The following PTPRD variants were observed in gnomAD, a reference collection of about 807,000 sequenced individuals.
PTPRD encodes protein tyrosine phosphatase receptor type D, also known as receptor-type tyrosine-protein phosphatase delta.
A neutral mutation model predicts 214.5 loss-of-function variants in PTPRD; 34 were observed. The observed-to-expected ratio is 0.16, with a 90% CI of 0.12 to 0.21. The LOEUF (loss-of-function observed/expected upper bound fraction) is 0.21, where lower values mean the gene tolerates loss of function less well. Among genes scored for constraint, PTPRD ranks in the 10% least tolerant of loss-of-function variants. The pLI, the probability that PTPRD is intolerant of heterozygous loss-of-function variation, is 1.00. For missense variants in PTPRD, 2,545 were observed against 2,398.7 expected (o/e 1.06, Z -1.27); for synonymous variants, 1,128 against 845.7 (o/e 1.33, Z -5.79).
intron 12 of PTPRD, among the ~76,000 whole-genome samples, chr9:8,717,159 G>T (rs1565518510): frequency 2.0e-5 from 3 of 152,070 alleles, no homozygotes; most frequent in South Asian, 4.1e-4. Flanking sequence ...ATTAAAGAAA[G>T]AAAAGTTAGA....
rs147969344 is a variant in PTPRD, at chr9:10,186,887, T to G, written c.-544-153097A>C. Among the ~76,000 whole-genome samples, 808 of 152,254 alleles carry G rather than the reference T, an allele frequency of 5.3e-3. 6 individuals are homozygous for G. The highest frequency in any genetic ancestry group is 0.018 in the African/African-American group (766 of 41,556). ...ATAACTCCACAATTAGGAAACCTAT[T>G]GACTTCATGTTGTTGATATATTTAG... On this transcript the variant is annotated intron_variant, in intron 3 of 45. Coordinates refer to ENST00000381196, the MANE Select transcript of PTPRD (RefSeq NM_002839.4).
intron 4 of PTPRD, among the ~76,000 whole-genome samples, chr9:10,020,232 G>A (rs1365023848): frequency 6.6e-6 from 1 of 152,132 alleles, no homozygotes. Context: ...TGCTTAAAAT[G>A]AACCAACAAT....
At chr9:9,870,818 T>G (rs573747014) in intron 5 of PTPRD, among the ~76,000 whole-genome samples, 1 of 152,108 alleles carries the variant, frequency 6.6e-6, no homozygotes, top group Non-Finnish European at 1.5e-5. Context: ...GAAGGTAGGA[T>G]AGACACTTAG....
intron 3 of PTPRD, among the ~76,000 whole-genome samples, chr9:10,208,474 A>C (rs574329111): frequency 3.3e-5 from 5 of 152,244 alleles, no homozygotes; most frequent in Non-Finnish European, 7.3e-5. Context: ...AGATCGCGCC[A>C]CTGCACTCCA....
At chr9:9,666,030 T>C (rs2096715015) in intron 7 of PTPRD, among the ~76,000 whole-genome samples, 1 of 151,914 alleles carries the variant, frequency 6.6e-6, no homozygotes, top group Non-Finnish European at 1.5e-5. Flanking sequence ...AAAAATAAAA[T>C]GTTGTCATCA....
intron 9 of PTPRD, among the ~76,000 whole-genome samples, chr9:9,279,155 T>C (rs942678811): frequency 2.0e-5 from 3 of 150,918 alleles, no homozygotes; most frequent in African/African-American, 7.3e-5. Flanking sequence ...TTTCAAATAA[T>C]AGGCAGGTGT....
At chr9:8,917,420 A>T (rs530460406) in intron 11 of PTPRD, among the ~76,000 whole-genome samples, 1 of 151,844 alleles carries the variant, frequency 6.6e-6, no homozygotes, top group South Asian at 2.1e-4. Flanking sequence ...TACAAGTGTG[A>T]GCCACCGCGC....
At chr9:8,795,355 C>A (rs758788371) in intron 11 of PTPRD, among the ~76,000 whole-genome samples, 1 of 151,996 alleles carries the variant, frequency 6.6e-6, no homozygotes, top group African/African-American at 2.4e-5. Context: ...TTAGTAGAGA[C>A]AGCGTTTCAC....
chr9:10,268,331 A>G (rs1043661075), intron 3 of PTPRD, among the ~76,000 whole-genome samples: 5 of 150,462 alleles, frequency 3.3e-5, no homozygotes, highest in African/African-American at 1.2e-4. Context: ...GATAATAATA[A>G]TAATAGTGGT....
chr9:9,885,359 C>T (rs1431599915), intron 5 of PTPRD, among the ~76,000 whole-genome samples: 1 of 151,882 alleles, frequency 6.6e-6, no homozygotes, highest in Non-Finnish European at 1.5e-5. Flanking sequence ...TAAGATGATG[C>T]CTCATAGAAT....
intron 8 of PTPRD, among the ~76,000 whole-genome samples, chr9:9,494,675 G>T (rs1049795376): frequency 6.6e-6 from 1 of 152,200 alleles, no homozygotes; most frequent in Non-Finnish European, 1.5e-5. Context: ...TTTTCAGAAA[G>T]AAATAGAAAT....
chr9:9,515,698 TTAA>T (rs1232965290), intron 8 of PTPRD, among the ~76,000 whole-genome samples: 8 of 152,046 alleles, frequency 5.3e-5, no homozygotes, highest in Non-Finnish European at 2.9e-5. Context: ...TATCTATATG[TTAA>T]TAATTATTAC....
intron 11 of PTPRD, among the ~76,000 whole-genome samples, chr9:8,975,828 T>G (rs2099265060): frequency 6.6e-6 from 1 of 151,566 alleles, no homozygotes. Flanking sequence ...ACATCCAAAA[T>G]TGATATTAAA....
intron 4 of PTPRD, among the ~76,000 whole-genome samples, chr9:9,965,790 A>G (rs12353320): frequency 0.15 from 22,299 of 152,188 alleles, 3,146 homozygotes; most frequent in African/African-American, 0.37. Flanking sequence ...CTTATGCTAC[A>G]TTGTCAACAT....
intron 9 of PTPRD, among the ~76,000 whole-genome samples, chr9:9,334,376 A>G (rs905554240): frequency 3.3e-5 from 5 of 152,030 alleles, no homozygotes; most frequent in African/African-American, 1.2e-4. Context: ...AGCAAGCATC[A>G]GGTCAGTATT....
At chr9:10,066,436 T>C (rs2097886510) in intron 3 of PTPRD, among the ~76,000 whole-genome samples, 1 of 151,864 alleles carries the variant, frequency 6.6e-6, no homozygotes, top group Non-Finnish European at 1.5e-5. Context: ...ATTTTATTTA[T>C]AATTTCATTA....
intron 9 of PTPRD, among the ~76,000 whole-genome samples, chr9:9,248,125 C>G (rs1459099600): frequency 6.6e-6 from 1 of 151,908 alleles, no homozygotes; most frequent in African/African-American, 2.4e-5. Flanking sequence ...CAGGGTCTCA[C>G]TCTGTCACCC....
chr9:9,071,888 C>T (rs150266635), intron 10 of PTPRD, among the ~76,000 whole-genome samples: 138 of 152,182 alleles, frequency 9.1e-4, no homozygotes, highest in African/African-American at 2.4e-3. Flanking sequence ...AGTATTTCCC[C>T]GTCATACTTG....
intron 3 of PTPRD, among the ~76,000 whole-genome samples, chr9:10,252,235 G>A (rs2092840617): frequency 6.6e-6 from 1 of 152,068 alleles, no homozygotes; most frequent in South Asian, 2.1e-4. Flanking sequence ...CAGCACGATG[G>A]ACATGAAATG....
Sources: gnomAD v4.1 joint callset for allele counts (sites outside exome capture counted in the v4.1 genomes callset) on GRCh38, gnomAD v4.1.1 for gene constraint, MANE v1.5 for transcripts, NCBI Gene and HGNC (gene_info 2026-07-23, HGNC 2026-07-21) for gene names.